Variants in POU6F1 observed in about 807,000 individuals in gnomAD.
The protein encoded by POU6F1 is POU class 6 homeobox 1, also known as POU domain, class 6, transcription factor 1.
POU6F1 carries 9 observed loss-of-function variants against 28.9 expected under a neutral mutation model. That is an observed-to-expected ratio of 0.31 (90% CI 0.19 to 0.54). POU6F1 has a LOEUF of 0.54. Among genes scored for constraint, POU6F1 ranks in the 20% least tolerant of loss-of-function variants. The pLI is 0.94. For synonymous variants in POU6F1, 173 were observed against 171.1 expected, an observed-to-expected ratio of 1.01 and a Z score of -0.09; for missense variants, 338 against 426.1, an observed-to-expected ratio of 0.79 and a Z score of 1.82.
chr12:51,213,543 A>T (rs1371056033), intron 1 of POU6F1, among the ~76,000 whole-genome samples: 4 of 151,054 alleles, frequency 2.6e-5, no homozygotes, highest in Admixed American at 6.6e-5. Context: ...ATTTTATTTT[A>T]TTTTTTTGAG....
Position 51,189,939 on chromosome 12 carries a change from C to T in POU6F1, c.*308G>A. 2.7e-6 allele frequency: 1 copy of T among 367,526 alleles called. No homozygotes were observed. The highest frequency in any genetic ancestry group is 4.0e-5 in the Admixed American group (1 of 24,726). The allele number at this position is 367,526 out of a possible 1,614,324, so 22.8% of individuals were successfully genotyped here. Reference sequence around the variant, plus strand: ...CCCAAAGACAGGGAGTTTCTGGTTCCCCACCAGAATTCACCCTTCAGAAAC... The same window carrying T: ...CCCAAAGACAGGGAGTTTCTGGTTCTCCACCAGAATTCACCCTTCAGAAAC... On this transcript the variant is annotated 3_prime_UTR_variant, in exon 11 of 11. Coordinates refer to ENST00000333640, the MANE Select transcript of POU6F1 (RefSeq NM_001330422.2).
rs1168013176 is a variant in POU6F1 at position 51,190,776 on chromosome 12, C to T, written c.1491-184G>A. 6.6e-6 allele frequency among the ~76,000 whole-genome samples: 1 copy of T among 152,200 alleles called. No individual in the cohort carries two copies. The highest frequency in any genetic ancestry group is 1.5e-5 in the Non-Finnish European group (1 of 68,036). On this transcript the variant is annotated intron_variant, in intron 10 of 10. Transcript: ENST00000333640. The surrounding 1 kb of genome is among the most constrained non-coding windows in gnomAD (Gnocchi z 4.5). Reference sequence around the variant, plus strand: ...CTAGTTTGGCCAAGCCCAGACTCCTCAGACCCTCTGATGTGCCCGGTCCTA... The same window carrying T: ...CTAGTTTGGCCAAGCCCAGACTCCTTAGACCCTCTGATGTGCCCGGTCCTA...
At chr12:51,206,291 T>C (rs938389485) in intron 2 of POU6F1, among the ~76,000 whole-genome samples, 2 of 150,230 alleles carry the variant, frequency 1.3e-5, no homozygotes, top group Non-Finnish European at 3.0e-5. Context: ...GGTGTGGTGG[T>C]GGGTGCCTGT....
chr12:51,204,190 G>A lies in POU6F1; in HGVS notation c.227C>T (p.Ser76Phe), dbSNP rs180709776. The change falls in exon 3 of 11, where the codon TCC becomes TTC. Residue 76 changes from serine to phenylalanine, a missense_variant. This residue lies in a region of POU6F1 where 206 missense variants were observed against 225.6 expected (regional missense o/e 0.91). Transcript: ENST00000333640. ...CCTCGTACCAGTTGCCTCTGCAGAG[G>A]AGCCCAGGTTGTCTGGCCCAGCTTC... ...AGEAGPDNLGSSAEATVKSPP... is the reference protein window; with the variant it reads ...AGEAGPDNLGFSAEATVKSPP... 5.7e-4 allele frequency: 226 copies of A among 399,190 alleles called. No individual in the cohort carries two copies. The highest frequency in any genetic ancestry group is 4.2e-3 in the African/African-American group (203 of 48,722). The allele number at this position is 399,190 out of a possible 1,614,324, so 24.7% of individuals were successfully genotyped here. A position where few individuals can be genotyped will look rare whatever the true frequency, so the allele number is the denominator to read the frequency against.
intron 5 of POU6F1, 115 bp downstream of exon 5, chr12:51,198,435 C>T: frequency 2.5e-6 from 1 of 398,220 alleles, no homozygotes; most frequent in Non-Finnish European, 4.4e-6. Context: ...ATCCAGACTC[C>T]AGGGCGGTTG....
chr12:51,187,390 T>A lies in POU6F1; in HGVS notation c.*2857A>T, dbSNP rs1942088775. 6.6e-6 allele frequency: 1 copy of A among 152,246 alleles called. No individual in the cohort carries two copies. The allele number at this position is 152,246 out of a possible 1,614,324, so 9.4% of individuals were successfully genotyped here. A position where few individuals can be genotyped will look rare whatever the true frequency, so the allele number is the denominator to read the frequency against. ...TAAGCTCTGGTGTAAGTCCAGAAGA[T>A]GTTTTCAAAACAAAATGTATACCAA... On this transcript the variant is annotated 3_prime_UTR_variant, in exon 11 of 11. Coordinates refer to ENST00000333640, the MANE Select transcript of POU6F1 (RefSeq NM_001330422.2).
Position 51,199,243 on chromosome 12 carries a change from C to A in POU6F1, c.367-468G>T, listed in dbSNP as rs370979112. On this transcript the variant is annotated intron_variant, in intron 4 of 10. Coordinates refer to ENST00000333640, the MANE Select transcript of POU6F1 (RefSeq NM_001330422.2). The surrounding 1 kb of genome is among the most constrained non-coding windows in gnomAD (Gnocchi z 4.1). ...GTGGTCAAGGCCCCACAGAGGCCTC[C>A]GAGAAGTTTCTGAAGGACCATACCC... Among the ~76,000 whole-genome samples, 2 of 151,346 alleles carry A rather than the reference C, an allele frequency of 1.3e-5. No homozygotes were observed. Among genetic ancestry groups the A allele is most frequent in the Non-Finnish European group, 2.9e-5 (2 of 67,898 alleles).
chr12:51,202,573 T>G (rs1236263208), intron 3 of POU6F1: 1 of 152,090 alleles, frequency 6.6e-6, no homozygotes, highest in Non-Finnish European at 1.5e-5. Flanking sequence ...TCAGGTGATC[T>G]GCCCATCTAG....
chr12:51,211,288 G>GT (rs893477378), intron 1 of POU6F1, among the ~76,000 whole-genome samples: 2 of 152,176 alleles, frequency 1.3e-5, no homozygotes, highest in African/African-American at 4.8e-5. Context: ...AGCTGCTCTG[G>GT]TTAAAGCTGG....
At position 51,191,623 on chromosome 12, in the gene POU6F1, G is replaced by T; in HGVS notation, c.1463C>A (p.Pro488Gln). The T allele has an allele frequency of 6.2e-7, 1 of 1,613,690 alleles. No individual in the cohort carries two copies. The highest frequency in any genetic ancestry group is 8.5e-7 in the Non-Finnish European group (1 of 1,180,042). The change falls in exon 10 of 11, where the codon CCA (proline) becomes CAA (glutamine). Residue 488 changes from proline to glutamine, a missense_variant. Around this residue, in one of 3 missense-constraint regions of POU6F1, gnomAD observed 126 missense variants for 176.5 expected, o/e 0.71. Transcript: ENST00000333640. ...VGQALTATEG[P>Q]AYSQSAICRF... ...GCAGATGGCTGACTGGCTGTAGGCTGGACCTTCCGTTGCAGTCAGAGCCTG... is the reference window on the plus strand; with the variant it reads ...GCAGATGGCTGACTGGCTGTAGGCTTGACCTTCCGTTGCAGTCAGAGCCTG...
intron 2 of POU6F1, among the ~76,000 whole-genome samples, chr12:51,205,141 G>A (rs895578597): frequency 6.8e-6 from 1 of 147,572 alleles, no homozygotes; most frequent in Non-Finnish European, 1.5e-5. Flanking sequence ...CCGGGTTCAC[G>A]CCATTCTCCT....
rs186369047 is a variant in POU6F1, at chr12:51,194,635, G to C, written c.1179+1335C>G. Reference sequence around the variant, plus strand: ...AGCCTGGGCAACAGAGCAAGACCCTGGTCTCAAAAAAAAAAAAAAAAAAGC... The same window carrying C: ...AGCCTGGGCAACAGAGCAAGACCCTCGTCTCAAAAAAAAAAAAAAAAAAGC... On this transcript the variant is annotated intron_variant, in intron 8 of 10. Transcript: ENST00000333640. Among the ~76,000 whole-genome samples, 1,004 of 146,480 alleles carry C rather than the reference G, an allele frequency of 6.9e-3. 11 individuals carry two copies. Among genetic ancestry groups the C allele is most frequent in the African/African-American group, 0.025 (950 of 38,334 alleles).
At chr12:51,196,635 C>T (rs1242269422) in intron 7 of POU6F1, among the ~76,000 whole-genome samples, 164 bp downstream of exon 7, 1 of 152,232 alleles carries the variant, frequency 6.6e-6, no homozygotes. Context: ...GTGGCTACAC[C>T]CCTGCCCAGC....
chr12:51,191,895 G>C (rs1942442268), intron 9 of POU6F1, 131 bp from the exon 10 acceptor site: 1 of 1,118,720 alleles, frequency 8.9e-7, no homozygotes, highest in South Asian at 1.4e-5. Context: ...GCACCTTCAA[G>C]ACTCTTATCA....
intron 1 of POU6F1, among the ~76,000 whole-genome samples, chr12:51,210,729 TA>T (rs531218590): frequency 1.9e-4 from 29 of 152,272 alleles, no homozygotes; most frequent in African/African-American, 6.7e-4. Context: ...TCCTGAGACA[TA>T]GCCTCTAGCC....
chr12:51,215,778 G>A (rs1944257774), intron 1 of POU6F1, among the ~76,000 whole-genome samples: 1 of 152,054 alleles, frequency 6.6e-6, no homozygotes, highest in Non-Finnish European at 1.5e-5. Flanking sequence ...GACCCAGCTT[G>A]AGTACTGCTT....
intron 1 of POU6F1, among the ~76,000 whole-genome samples, chr12:51,212,410 C>T (rs1036904491): frequency 4.0e-5 from 6 of 151,168 alleles, no homozygotes; most frequent in South Asian, 2.1e-4. Flanking sequence ...GTTTTTTCAA[C>T]GCATGTTTCA....
rs1216537942 is a variant in POU6F1 at position 51,188,778 on chromosome 12, C to T, written c.*1469G>A. On this transcript the variant is annotated 3_prime_UTR_variant, in exon 11 of 11. Transcript: ENST00000333640. Reference sequence around the variant, plus strand: ...ACTGGAGGCAGCTGTTAGAGACCAGCCTCTGTAAGGATAAGAGTACTGAAG... The same window carrying T: ...ACTGGAGGCAGCTGTTAGAGACCAGTCTCTGTAAGGATAAGAGTACTGAAG... The T allele has an allele frequency of 1.3e-5, 2 of 152,238 alleles. No homozygotes were observed. Among genetic ancestry groups the T allele is most frequent in the African/African-American group, 4.8e-5 (2 of 41,444 alleles). 9.4% of individuals were successfully genotyped at this position (152,238 alleles called of 1,614,324 possible). A position where few individuals can be genotyped will look rare whatever the true frequency, so the allele number is the denominator to read the frequency against.
At chr12:51,193,276 G>A (rs1592141050) in intron 8 of POU6F1, among the ~76,000 whole-genome samples, 1 of 152,332 alleles carries the variant, frequency 6.6e-6, no homozygotes, top group East Asian at 1.9e-4. Context: ...CTACTCTGAT[G>A]TCTGAGTCAT....
Sources: gnomAD v4.1 joint callset for allele counts (sites outside exome capture counted in the v4.1 genomes callset) on GRCh38, gnomAD v4.1.1 for gene constraint, gnomAD v4.1.1 regional missense constraint, Gnocchi (gnomAD v3.1) non-coding constraint, MANE v1.5 for transcripts, NCBI Gene and HGNC (gene_info 2026-07-23, HGNC 2026-07-21) for gene names.